Variants in MAGEL2 observed in about 807,000 individuals in gnomAD.
MAGEL2 encodes MAGE family member L2, also known as MAGE-like protein 2.
For synonymous variants in MAGEL2, 792 were observed against 721.7 expected (o/e 1.10, Z -1.56); for missense variants, 1,830 against 1,699.2 (o/e 1.08, Z -1.35).
Position 23,645,612 on chromosome 15 carries a change from C to A in MAGEL2, c.2131G>T (p.Ala711Ser). The change falls in exon 1 of 1, where the codon GCT becomes TCT. Residue 711 changes from alanine to serine, a missense_variant. Transcript: ENST00000650528. ...VAAANFPLGS[A>S]KSLMTPSGEC... ...CCTGATGGAGTCATCAATGATTTAG[C>A]GGAGCCCAGGGGAAAATTTGCCGCT... The A allele has an allele frequency of 6.3e-7, 1 of 1,597,134 alleles. No individual in the cohort carries two copies. The highest frequency in any genetic ancestry group is 1.1e-5 in the South Asian group (1 of 88,226).
At position 23,644,243 on chromosome 15, in the gene MAGEL2, A is replaced by G. The variant is rs1890340774; in HGVS notation, c.3500T>C (p.Leu1167Pro). The G allele has an allele frequency of 1.2e-6, 2 of 1,613,828 alleles. No homozygotes were observed. The highest frequency in any genetic ancestry group is 1.7e-6 in the Non-Finnish European group (2 of 1,179,878). The stretch of plus-strand genomic sequence containing the variant: ...AGTGTAAGGGATTCGCCTGTACTCT[A>G]GGTACTTCTGCCTGACAAACACTTC... The part of the protein sequence containing the change: ...ITEVFVRQKY[L>P]EYRRIPYTEP... The change falls in exon 1 of 1, where the codon CTA (leucine) becomes CCA (proline). Residue 1167 changes from leucine to proline, a missense_variant. Coordinates refer to ENST00000650528, the MANE Select transcript of MAGEL2 (RefSeq NM_019066.5).
At position 23,645,027 on chromosome 15, in the gene MAGEL2, G is replaced by A; in HGVS notation, c.2716C>T (p.His906Tyr). 2 of 1,613,974 alleles carry A rather than the reference G, an allele frequency of 1.2e-6. No homozygotes were observed. Among genetic ancestry groups the A allele is most frequent in the Non-Finnish European group, 1.7e-6 (2 of 1,179,896 alleles). ...EDSRGHTLAF[H>Y]DWQGPRPWEN... ...CAGGGCCTTGGGCCCTGCCAGTCATGAAAGGCTAGCGTGTGGCCACGGCTG... is the reference window on the plus strand; with the variant it reads ...CAGGGCCTTGGGCCCTGCCAGTCATAAAAGGCTAGCGTGTGGCCACGGCTG... The change falls in exon 1 of 1, where the codon CAT (histidine) becomes TAT (tyrosine). Residue 906 changes from histidine to tyrosine, a missense_variant. Transcript: ENST00000650528.
In MAGEL2 at chr15:23,646,937, G is replaced by T. The variant is rs774604502; in HGVS notation, c.806C>A (p.Thr269Asn). ...CGGTGCTCCTGAAGGCTGAGGCTGG[G>T]TCATCATGGCTGCTGGAGGCGGCTG... ...MVQPPPAAMM[T>N]QPQPSGAPMA... Residue 269 changes from threonine to asparagine, a missense_variant, in exon 1 of 1, where the codon ACC (threonine) becomes AAC (asparagine). Thr to Asn is a moderately conservative substitution (Grantham distance 65, BLOSUM62 0). Coordinates refer to ENST00000650528, the MANE Select transcript of MAGEL2 (RefSeq NM_019066.5). This position sits in a 1 kb window ranked among gnomAD's most constrained non-coding sequence, Gnocchi z 4.2. 2.0e-6 allele frequency: 3 copies of T among 1,536,966 alleles called. No homozygotes were observed. Among genetic ancestry groups the T allele is most frequent in the South Asian group, 1.2e-5 (1 of 84,060 alleles).
chr15:23,647,443 A>G lies in MAGEL2; in HGVS notation c.300T>C (p.Gly100=), dbSNP rs747171614. Residue 100 remains glycine (G), a synonymous_variant, in exon 1 of 1, where the codon GGT becomes GGC. Coordinates refer to ENST00000650528, the MANE Select transcript of MAGEL2 (RefSeq NM_019066.5). ...VPAPPLGGPM[G]KPPTPGVLMV... ...TCAGGACCCCGGGAGTCGGAGGCTT[A>G]CCCATCGGGCCCCCCAGCGGGGGAG... is the stretch of plus-strand genomic sequence containing the variant. 1.3e-6 allele frequency: 2 copies of G among 1,535,306 alleles called. No individual in the cohort carries two copies. Among genetic ancestry groups the G allele is most frequent in the African/African-American group, 2.7e-5 (2 of 73,098 alleles).
Position 23,647,553 on chromosome 15 carries a change from C to A in MAGEL2, c.190G>T (p.Ala64Ser). The change falls in exon 1 of 1, where the codon GCC (alanine) becomes TCC (serine). Residue 64 changes from alanine (A) to serine (S), a missense_variant. Physicochemically the swap from Ala to Ser is moderately conservative, Grantham distance 99. Transcript: ENST00000650528. ...AGCTGGCCCTGTGGGGCCTCCCAGG[C>A]AGGCTGAGGTGCCTGCCAAGCGGCC... Reference protein sequence around the residue: ...SLAAWQAPQPAWEAPQGQLPA... With the variant: ...SLAAWQAPQPSWEAPQGQLPA... The A allele has an allele frequency of 6.5e-7, 1 of 1,533,742 alleles. No homozygotes were observed. Among genetic ancestry groups the A allele is most frequent in the Non-Finnish European group, 8.7e-7 (1 of 1,145,904 alleles).
chr15:23,647,639 GCGGGCGGGGCC>G lies in MAGEL2; in HGVS notation c.93_103del (p.Ala32PhefsTer15), dbSNP rs569590564. ...AGGGACTGGCGGAGCCCGGGAGGAA[GCGGGCGGGGCC>G]CGCATCAGAACCGTAGGGCGGCTAT... On this transcript the variant is annotated frameshift_variant, in exon 1 of 1. Coordinates refer to ENST00000650528, the MANE Select transcript of MAGEL2 (RefSeq NM_019066.5). LOFTEE classifies it low-confidence loss of function (END_TRUNC). 1 of 1,536,718 alleles carries G rather than the reference GCGGGCGGGGCC, an allele frequency of 6.5e-7. No homozygotes were observed. Among genetic ancestry groups the G allele is most frequent in the East Asian group, 2.4e-5 (1 of 40,894 alleles).
Position 23,644,659 on chromosome 15 carries a change from C to A in MAGEL2, c.3084G>T (p.Val1028=), listed in dbSNP as rs751401500. 12 of 1,613,874 alleles carry A rather than the reference C, an allele frequency of 7.4e-6. No homozygotes were observed. Among genetic ancestry groups the A allele is most frequent in the Non-Finnish European group, 1.0e-5 (12 of 1,179,882 alleles). The change falls in exon 1 of 1, where the codon GTG becomes GTT. Residue 1028 remains valine (V), a synonymous_variant. Coordinates refer to ENST00000650528, the MANE Select transcript of MAGEL2 (RefSeq NM_019066.5). The stretch of plus-strand genomic sequence containing the variant: ...CTTGGTCCTTGACTAAGAGGAACTG[C>A]ACCAACGCATTTGCCCTCTCATCCA... The part of the protein sequence containing the change: ...SPLDERANAL[V]QFLLVKDQAK...
In MAGEL2 at chr15:23,644,731, A is replaced by G. The variant is rs371333192; in HGVS notation, c.3012T>C (p.Ser1004=). The change falls in exon 1 of 1, where the codon AGT becomes AGC. Residue 1004 remains serine (S), a synonymous_variant. Transcript: ENST00000650528. ...CCACCTTGGAATTATCCTGGGTGGC[A>G]CTGGATCCCGGAGAGACACTTGCGA... The part of the protein sequence containing the change: ...SEVASVSPGS[S]ATQDNSKVEA... 737 of 1,613,774 alleles carry G rather than the reference A, an allele frequency of 4.6e-4. 11 individuals are homozygous for G. The South Asian group carries it at 7.6e-3, about 17-fold the overall frequency.
Position 23,647,459 on chromosome 15 carries a change from AGCGG to A in MAGEL2, c.280_283del (p.Pro94TrpfsTer14). The A allele has an allele frequency of 6.5e-7, 1 of 1,534,396 alleles. No homozygotes were observed. On this transcript the variant is annotated frameshift_variant, in exon 1 of 1. Coordinates refer to ENST00000650528, the MANE Select transcript of MAGEL2 (RefSeq NM_019066.5). LOFTEE classifies it low-confidence loss of function (END_TRUNC). ...CGGAGGCTTACCCATCGGGCCCCCC[AGCGG>A]GGGAGCCGGGACTATCGGGCCCCCT... is the stretch of plus-strand genomic sequence containing the variant.
chr15:23,644,990 T>C lies in MAGEL2; in HGVS notation c.2753A>G (p.Asn918Ser). 1 of 1,613,852 alleles carries C rather than the reference T, an allele frequency of 6.2e-7. No homozygotes were observed. The highest frequency in any genetic ancestry group is 8.5e-7 in the Non-Finnish European group (1 of 1,179,878). ...GCTTTGGACCTCCCAGTCACTCAGA[T>C]TTAGATTCTCCCAGGGCCTTGGGCC... ...WQGPRPWENL[N>S]LSDWEVQSPI... The change falls in exon 1 of 1, where the codon AAT becomes AGT. Residue 918 changes from asparagine to serine, a missense_variant. Coordinates refer to ENST00000650528, the MANE Select transcript of MAGEL2 (RefSeq NM_019066.5).
Position 23,646,912 on chromosome 15 carries a change from C to A in MAGEL2, c.831G>T (p.Pro277=). Residue 277 remains proline, a synonymous_variant, in exon 1 of 1, where the codon CCG becomes CCT. Transcript: ENST00000650528. This position sits in a 1 kb window ranked among gnomAD's most constrained non-coding sequence, Gnocchi z 4.2. ...MMTQPQPSGA[P]MAKPPGPGVL... The stretch of plus-strand genomic sequence containing the variant: ...CTCCTGGACCTGGAGGCTTGGCCAT[C>A]GGTGCTCCTGAAGGCTGAGGCTGGG... 6.5e-7 allele frequency: 1 copy of A among 1,537,040 alleles called. No homozygotes were observed. Among genetic ancestry groups the A allele is most frequent in the Non-Finnish European group, 8.7e-7 (1 of 1,146,888 alleles).
rs1383850951 is a variant in MAGEL2 at position 23,646,448 on chromosome 15, T to TGTC, written c.1292_1294dup (p.Arg431dup). The TGTC allele has an allele frequency of 7.1e-7, 1 of 1,418,338 alleles. No homozygotes were observed. Among genetic ancestry groups the TGTC allele is most frequent in the African/African-American group, 1.5e-5 (1 of 65,442 alleles). The allele number at this position is 1,418,338 out of a possible 1,614,324, so 87.9% of individuals were successfully genotyped here. A position where few individuals can be genotyped will look rare whatever the true frequency, so the allele number is the denominator to read the frequency against. ...GGCCTGGCGGATCAGCGGTGGGGCC[T>TGTC]GTCGCACCGGTGGTGGGCCAGGGCG... On this transcript the variant is annotated inframe_insertion, in exon 1 of 1. Transcript: ENST00000650528. This position sits in a 1 kb window ranked among gnomAD's most constrained non-coding sequence, Gnocchi z 4.2.
chr15:23,643,958 AG>A lies in MAGEL2; in HGVS notation c.*34del, dbSNP rs34498210. 1.3e-6 allele frequency: 2 copies of A among 1,514,356 alleles called. No homozygotes were observed. Among genetic ancestry groups the A allele is most frequent in the Middle Eastern group, 3.5e-4 (2 of 5,634 alleles). 93.8% of individuals were successfully genotyped at this position (1,514,356 alleles called of 1,614,324 possible). A position where few individuals can be genotyped will look rare whatever the true frequency, so the allele number is the denominator to read the frequency against. On this transcript the variant is annotated 3_prime_UTR_variant, in exon 1 of 1. Transcript: ENST00000650528. ...CCCACCCTGTCAGTGGCCTCTGGCC[AG>A]GGAAACACAGGAGCGAGATCTCTGC...
In MAGEL2 at chr15:23,646,523, G is replaced by A. The variant is rs964772041; in HGVS notation, c.1220C>T (p.Pro407Leu). Residue 407 changes from proline (P) to leucine (L), a missense_variant, in exon 1 of 1, where the codon CCG (proline) becomes CTG (leucine). By Grantham distance (98) the Pro-to-Leu change is moderately conservative. Transcript: ENST00000650528. This position sits in a 1 kb window ranked among gnomAD's most constrained non-coding sequence, Gnocchi z 4.2. ...QAPAVTWQVP[P>L]PMRQGPPPIR... ...GGGCGGGGGCCCCTGGCGCATGGGC[G>A]GCGGCACCTGCCAGGTAACGGCTGG... 6.1e-6 allele frequency: 9 copies of A among 1,468,814 alleles called. No homozygotes were observed. Among genetic ancestry groups the A allele is most frequent in the Middle Eastern group, 2.1e-4 (1 of 4,854 alleles). 91.0% of individuals were successfully genotyped at this position (1,468,814 alleles called of 1,614,324 possible).
In MAGEL2 at chr15:23,645,907, T is replaced by A. The variant is rs1475240877; in HGVS notation, c.1836A>T (p.Thr612=). 1 of 1,572,312 alleles carries A rather than the reference T, an allele frequency of 6.4e-7. No homozygotes were observed. Among genetic ancestry groups the A allele is most frequent in the East Asian group, 2.3e-5 (1 of 42,774 alleles). Residue 612 remains threonine, a synonymous_variant, in exon 1 of 1, where the codon ACA becomes ACT. Transcript: ENST00000650528. ...TCTGGGCCTGCCAGGCCAGCGCCTGTGTCTGCTGCACCTCCTGGAATTCCA... is the reference window on the plus strand; with the variant it reads ...TCTGGGCCTGCCAGGCCAGCGCCTGAGTCTGCTGCACCTCCTGGAATTCCA... ...TSMEFQEVQQ[T]QALAWQAQKA...
chr15:23,647,701 C>A lies in MAGEL2; in HGVS notation c.42G>T (p.Pro14=). 1 of 1,487,898 alleles carries A rather than the reference C, an allele frequency of 6.7e-7. No homozygotes were observed. Among genetic ancestry groups the A allele is most frequent in the South Asian group, 1.3e-5 (1 of 76,938 alleles). The allele number at this position is 1,487,898 out of a possible 1,614,324, so 92.2% of individuals were successfully genotyped here. Residue 14 remains proline, a synonymous_variant, in exon 1 of 1, where the codon CCG becomes CCT. Coordinates refer to ENST00000650528, the MANE Select transcript of MAGEL2 (RefSeq NM_019066.5). ...LSKNLGDSSP[P]AEAPKPPVYS... Reference sequence around the variant, plus strand: ...AGACAGGCGGCTTCGGGGCCTCCGCCGGAGGACTCGAGTCACCCAGATTCT... The same window carrying A: ...AGACAGGCGGCTTCGGGGCCTCCGCAGGAGGACTCGAGTCACCCAGATTCT...
In MAGEL2 at chr15:23,645,404, G is replaced by C. The variant is rs747205153; in HGVS notation, c.2339C>G (p.Pro780Arg). ...ACTTGAGGAGGGAGCAAAGGTCTCC[G>C]GTGTGGCAGGCAGGTTTTTCCAGGC... Reference protein sequence around the residue: ...PAAWKNLPATPETFAPSSSVF... With the variant: ...PAAWKNLPATRETFAPSSSVF... Residue 780 changes from proline to arginine, a missense_variant, in exon 1 of 1, where the codon CCG becomes CGG. Transcript: ENST00000650528. 4 of 1,614,022 alleles carry C rather than the reference G, an allele frequency of 2.5e-6. No individual in the cohort carries two copies. Among genetic ancestry groups the C allele is most frequent in the Non-Finnish European group, 3.4e-6 (4 of 1,179,896 alleles).
chr15:23,643,921 CA>C lies in MAGEL2; in HGVS notation c.*71del. ...GGAACTGGAACACAAACACCAGGAA[CA>C]AAAATGTCCCCCCACCCTGTCAGTG... is the stretch of plus-strand genomic sequence containing the variant. On this transcript the variant is annotated 3_prime_UTR_variant, in exon 1 of 1. Coordinates refer to ENST00000650528, the MANE Select transcript of MAGEL2 (RefSeq NM_019066.5). 6 of 1,448,482 alleles carry C rather than the reference CA, an allele frequency of 4.1e-6. No individual in the cohort carries two copies. The highest frequency in any genetic ancestry group is 5.5e-6 in the Non-Finnish European group (6 of 1,098,104). The allele number at this position is 1,448,482 out of a possible 1,614,324, so 89.7% of individuals were successfully genotyped here.
At position 23,646,339 on chromosome 15, in the gene MAGEL2, G is replaced by A. The variant is rs2233064; in HGVS notation, c.1404C>T (p.Ala468=). 17 of 1,375,402 alleles carry A rather than the reference G, an allele frequency of 1.2e-5. No individual in the cohort carries two copies. Among genetic ancestry groups the A allele is most frequent in the Non-Finnish European group, 1.6e-5 (17 of 1,075,026 alleles). The allele number at this position is 1,375,402 out of a possible 1,614,324, so 85.2% of individuals were successfully genotyped here. ...IRQAPAVIRQ[A]PPVIRQAPPV... ...GTGGGGCCTGGCGGATCACAGGTGG[G>A]GCCTGGCGGATCACAGCGGGGGCCT... Residue 468 remains alanine (A), a synonymous_variant, in exon 1 of 1, where the codon GCC becomes GCT. Transcript: ENST00000650528. The surrounding 1 kb of genome is among the most constrained non-coding windows in gnomAD (Gnocchi z 4.2).
Sources: gnomAD v4.1 joint callset for allele counts on GRCh38, gnomAD v4.1.1 for gene constraint, Gnocchi (gnomAD v3.1) non-coding constraint, MANE v1.5 for transcripts, NCBI Gene and HGNC (gene_info 2026-07-23, HGNC 2026-07-21) for gene names.